The following FSTL4 variants were observed in gnomAD, a reference collection of about 807,000 sequenced individuals.
FSTL4 encodes the protein follistatin-related protein 4.
FSTL4 carries 28 observed loss-of-function variants against 78.2 expected under a neutral mutation model. That is an observed-to-expected ratio of 0.36 (90% CI 0.27 to 0.49). The LOEUF (loss-of-function observed/expected upper bound fraction) is 0.49. Among genes scored for constraint, FSTL4 ranks in the 20% least tolerant of loss-of-function variants. The pLI is 0.98. For missense variants in FSTL4, 922 were observed against 1,084.9 expected, an observed-to-expected ratio of 0.85 and a Z score of 2.11; for synonymous variants, 422 against 440.5, an observed-to-expected ratio of 0.96 and a Z score of 0.53.
the FSTL4 span, among the ~76,000 whole-genome samples, chr5:133,733,971 A>G: frequency 2.6e-5 from 4 of 152,212 alleles, no homozygotes; most frequent in Admixed American, 6.5e-5. Context: ...GCTGCTTGAG[A>G]GTCCTAATAA....
At chr5:133,545,165 A>C (rs1759550783) in intron 3 of FSTL4, among the ~76,000 whole-genome samples, 1 of 152,188 alleles carries the variant, frequency 6.6e-6, no homozygotes, top group African/African-American at 2.4e-5. Flanking sequence ...TAGGTCTTAG[A>C]GCTAGCCTGA....
At chr5:133,395,191 C>A (rs533093319) in intron 4 of FSTL4, among the ~76,000 whole-genome samples, 2 of 151,952 alleles carry the variant, frequency 1.3e-5, no homozygotes, top group African/African-American at 4.8e-5. Flanking sequence ...CCTTCCACCC[C>A]GTGGAAGCTT....
chr5:133,384,130 C>T (rs992962607), intron 4 of FSTL4, among the ~76,000 whole-genome samples: 6 of 152,184 alleles, frequency 3.9e-5, no homozygotes, highest in African/African-American at 1.4e-4. Context: ...CAAGCTGCTT[C>T]CCCACCCTCC....
chr5:133,337,470 T>C (rs940311400), intron 4 of FSTL4, among the ~76,000 whole-genome samples: 1 of 152,012 alleles, frequency 6.6e-6, no homozygotes, highest in African/African-American at 2.4e-5. Flanking sequence ...CTTCGAGGAG[T>C]GGATCTGGGT....
At chr5:133,824,275 TA>T in the FSTL4 span, among the ~76,000 whole-genome samples, 8 of 152,354 alleles carry the variant, frequency 5.3e-5, no homozygotes, top group African/African-American at 1.9e-4. Flanking sequence ...GGACCCACTA[TA>T]AATGAGGGTT....
upstream of FSTL4, among the ~76,000 whole-genome samples, chr5:133,616,310 A>AATCTAT (rs1554073701): frequency 2.7e-4 from 40 of 147,278 alleles, no homozygotes; most frequent in African/African-American, 9.3e-4. Context: ...TGAAAATCTA[A>AATCTAT]ATCTATCTAT....
the FSTL4 span, among the ~76,000 whole-genome samples, chr5:133,679,378 G>T: frequency 1.3e-5 from 2 of 152,186 alleles, no homozygotes; most frequent in Admixed American, 1.3e-4. Context: ...AGCCTTGAAA[G>T]AAACCTTTCT....
chr5:133,365,502 C>G (rs572947335), intron 4 of FSTL4, among the ~76,000 whole-genome samples: 9 of 152,300 alleles, frequency 5.9e-5, no homozygotes, highest in African/African-American at 2.2e-4. Context: ...CATGCCCCCA[C>G]CTGCTGATTT....
At chr5:133,624,240 A>G in the FSTL4 span, among the ~76,000 whole-genome samples, 1 of 152,038 alleles carries the variant, frequency 6.6e-6, no homozygotes, top group Non-Finnish European at 1.5e-5. Flanking sequence ...ATTGTGGTAT[A>G]TGCATACAAT....
the FSTL4 span, among the ~76,000 whole-genome samples, chr5:133,805,290 C>T: frequency 1.9e-4 from 29 of 152,054 alleles, no homozygotes; most frequent in Non-Finnish European, 3.1e-4. Flanking sequence ...TAACCCCATG[C>T]GCTATTACCC....
At chr5:133,458,369 G>GT (rs1182335698) in intron 3 of FSTL4, 1 of 152,202 alleles carries the variant, frequency 6.6e-6, no homozygotes, top group Non-Finnish European at 1.5e-5. Flanking sequence ...TCTGCCTTGG[G>GT]TTTTACAATC....
chr5:133,642,628 G>A, the FSTL4 span, among the ~76,000 whole-genome samples: 1 of 152,184 alleles, frequency 6.6e-6, no homozygotes, highest in Non-Finnish European at 1.5e-5. Flanking sequence ...GAATGCATAT[G>A]CAAATTTTGC....
the FSTL4 span, among the ~76,000 whole-genome samples, chr5:133,655,143 A>G: frequency 6.6e-6 from 1 of 152,086 alleles, no homozygotes; most frequent in Non-Finnish European, 1.5e-5. Context: ...TTAACTCTCC[A>G]TCTAGTCTGG....
the FSTL4 span, among the ~76,000 whole-genome samples, chr5:133,742,332 G>A: frequency 1.3e-5 from 2 of 152,154 alleles, no homozygotes; most frequent in Non-Finnish European, 2.9e-5. Context: ...AGCCCTGATG[G>A]CATCATTGAC....
chr5:133,629,817 C>T, the FSTL4 span, among the ~76,000 whole-genome samples: 2 of 151,608 alleles, frequency 1.3e-5, no homozygotes, highest in Admixed American at 6.6e-5. Context: ...TCAGCTTCAT[C>T]CCTGGGATGC....
the FSTL4 span, among the ~76,000 whole-genome samples, chr5:133,811,813 G>A: frequency 6.6e-6 from 1 of 152,154 alleles, no homozygotes; most frequent in Non-Finnish European, 1.5e-5. Context: ...TCACATAGGT[G>A]CCCATGGCTT....
At chr5:133,424,611 C>T (rs866674870) in intron 3 of FSTL4, among the ~76,000 whole-genome samples, 4 of 152,156 alleles carry the variant, frequency 2.6e-5, no homozygotes, top group African/African-American at 9.7e-5. Context: ...TACAGGAATA[C>T]GTGATGGTGT....
the FSTL4 span, among the ~76,000 whole-genome samples, chr5:133,777,241 T>C: frequency 6.6e-6 from 1 of 151,964 alleles, no homozygotes; most frequent in Non-Finnish European, 1.5e-5. Context: ...AATAGAGAGT[T>C]TAAAACAGCA....
intron 2 of FSTL4, among the ~76,000 whole-genome samples, chr5:133,592,475 G>A (rs1189105354): frequency 6.6e-6 from 1 of 152,178 alleles, no homozygotes; most frequent in Non-Finnish European, 1.5e-5. Context: ...AGATAATTTT[G>A]TTCTAGTCAG....
Sources: gnomAD v4.1 joint callset for allele counts (sites outside exome capture counted in the v4.1 genomes callset) on GRCh38, gnomAD v4.1.1 for gene constraint, MANE v1.5 for transcripts, NCBI Gene and HGNC (gene_info 2026-07-23, HGNC 2026-07-21) for gene names.